The following DPP10 variants were observed in gnomAD, a reference collection of about 807,000 sequenced individuals.
DPP10 encodes the protein inactive dipeptidyl peptidase 10.
In DPP10, 33 loss-of-function variants were observed where a neutral mutation model predicts 120.9. That is an observed-to-expected ratio of 0.27 (90% confidence interval 0.21 to 0.37). DPP10 has a LOEUF of 0.37. Among genes scored for constraint, DPP10 ranks in the 10% least tolerant of loss-of-function variants. The pLI, the probability that DPP10 is intolerant of heterozygous loss-of-function variation, is 1.00. For missense variants in DPP10, 816 were observed against 942.8 expected, an observed-to-expected ratio of 0.87 and a Z score of 1.76; for synonymous variants, 337 against 326.1, an observed-to-expected ratio of 1.03 and a Z score of -0.36.
At chr2:115,402,747 A>G (rs578007021) in intron 3 of DPP10, among the ~76,000 whole-genome samples, 1 of 150,668 alleles carries the variant, frequency 6.6e-6, no homozygotes, top group East Asian at 1.9e-4. Flanking sequence ...TTCTCAAACC[A>G]TTCAAAAAAA....
intron 5 of DPP10, among the ~76,000 whole-genome samples, chr2:115,594,323 A>C (rs538430575): frequency 1.2e-4 from 19 of 152,208 alleles, no homozygotes; most frequent in Non-Finnish European, 2.4e-4. Flanking sequence ...AATTCTGGAG[A>C]AATCAGACAG....
rs114402105 is a variant in DPP10 at position 114,523,636 on chromosome 2, G to A, written c.60+80798G>A. The stretch of plus-strand genomic sequence containing the variant: ...TAGAGGGAAAAGGAAGTGGGGAAAA[G>A]CCTAGACTTTTTTTAAGGAGAGGAA... On this transcript the variant is annotated intron_variant, in intron 1 of 25. Coordinates refer to ENST00000410059, the MANE Select transcript of DPP10 (RefSeq NM_020868.6). Among the ~76,000 whole-genome samples the A allele has an allele frequency of 9.3e-3, 1,422 of 152,328 alleles. 23 individuals carry two copies. Among genetic ancestry groups the A allele is most frequent in the African/African-American group, 0.032 (1,350 of 41,572 alleles).
chr2:114,549,532 A>G (rs947100760), intron 1 of DPP10, among the ~76,000 whole-genome samples: 11 of 151,856 alleles, frequency 7.2e-5, no homozygotes, highest in Non-Finnish European at 1.5e-4. Flanking sequence ...ATAGTGGTGC[A>G]CACCTGTAGT....
In DPP10 at chr2:114,521,804, G is replaced by GTTT. The variant is rs758908081; in HGVS notation, c.60+78985_60+78987dup. Among the ~76,000 whole-genome samples the GTTT allele has an allele frequency of 1.1e-3, 120 of 112,730 alleles. 1 individual carries two copies. Among genetic ancestry groups the GTTT allele is most frequent in the East Asian group, 1.6e-3 (6 of 3,702 alleles). The allele number at this position is 112,730 out of a possible 152,430, so 74.0% of individuals were successfully genotyped here. On this transcript the variant is annotated intron_variant, in intron 1 of 25. Transcript: ENST00000410059. ...ATAATTATAGATACTATTATCCAAG[G>GTTT]TTTTTTTTTTTTTTTTTTTTTGAGA... is the stretch of plus-strand genomic sequence containing the variant.
intron 3 of DPP10, among the ~76,000 whole-genome samples, chr2:115,423,769 T>G (rs188691300): frequency 1.8e-4 from 27 of 152,288 alleles, no homozygotes; most frequent in South Asian, 2.1e-4. Context: ...AACACAGTAT[T>G]TGAAAGCTAC....
rs186856660 is a variant in DPP10, at chr2:114,620,477, A to C, written c.60+177639A>C. ...TAATGGACTGACATTATGATGGTTT[A>C]ATTGAGGTTAAACAGTGAAGTCTTA... On this transcript the variant is annotated intron_variant, in intron 1 of 25. Coordinates refer to ENST00000410059, the MANE Select transcript of DPP10 (RefSeq NM_020868.6). Among the ~76,000 whole-genome samples, 3 of 152,172 alleles carry C rather than the reference A, an allele frequency of 2.0e-5. No individual in the cohort carries two copies. In the East Asian group the frequency reaches 5.8e-4, roughly 29 times the overall value.
chr2:114,566,650 G>A (rs949678810), intron 1 of DPP10, among the ~76,000 whole-genome samples: 9 of 152,154 alleles, frequency 5.9e-5, no homozygotes, highest in African/African-American at 2.2e-4. Flanking sequence ...CTATTTCCGT[G>A]TACCAGGTAG....
chr2:115,402,872 T>A (rs2068188685), intron 3 of DPP10, among the ~76,000 whole-genome samples: 1 of 135,776 alleles, frequency 7.4e-6, no homozygotes, highest in East Asian at 2.0e-4. Context: ...TATATATATA[T>A]ATATGTGTGT....
intron 1 of DPP10, among the ~76,000 whole-genome samples, chr2:115,045,143 A>G (rs1704965276): frequency 6.6e-6 from 1 of 152,176 alleles, no homozygotes; most frequent in Non-Finnish European, 1.5e-5. Flanking sequence ...GAGCAATGGG[A>G]TTGCTGGATT....
chr2:114,783,825 C>T lies in DPP10; in HGVS notation c.60+340987C>T, dbSNP rs561421517. On this transcript the variant is annotated intron_variant, in intron 1 of 25. Coordinates refer to ENST00000410059, the MANE Select transcript of DPP10 (RefSeq NM_020868.6). ...CTCCAGTCTGGGTGACAGAATAAGACGCTCTCTCTCTCTCCTCCCTCCCCC... is the reference window on the plus strand; with the variant it reads ...CTCCAGTCTGGGTGACAGAATAAGATGCTCTCTCTCTCTCCTCCCTCCCCC... 8.6e-5 allele frequency among the ~76,000 whole-genome samples: 13 copies of T among 151,974 alleles called. 1 individual carries two copies. The highest frequency in any genetic ancestry group is 5.8e-4 in the East Asian group (3 of 5,144).
chr2:114,937,975 A>G (rs1403645640), intron 1 of DPP10, among the ~76,000 whole-genome samples: 1 of 152,192 alleles, frequency 6.6e-6, no homozygotes, highest in Non-Finnish European at 1.5e-5. Context: ...GAGAACCTTA[A>G]ATTAAAAGAA....
At chr2:115,287,230 G>T (rs1559367940) in intron 1 of DPP10, among the ~76,000 whole-genome samples, 1 of 152,066 alleles carries the variant, frequency 6.6e-6, no homozygotes, top group Non-Finnish European at 1.5e-5. Flanking sequence ...CAAGTGAAAA[G>T]TAATAGTCGA....
intron 13 of DPP10, among the ~76,000 whole-genome samples, chr2:115,774,424 C>T (rs950737527): frequency 2.0e-5 from 3 of 152,124 alleles, no homozygotes; most frequent in Middle Eastern, 6.8e-3. Flanking sequence ...CTGTCCTTGG[C>T]TCATTCAAAG....
intron 10 of DPP10, among the ~76,000 whole-genome samples, chr2:115,749,643 G>A (rs2149733345): frequency 6.6e-6 from 1 of 152,256 alleles, no homozygotes; most frequent in Middle Eastern, 3.4e-3. Context: ...CTTCTGACAA[G>A]TAATGCATAG....
At chr2:115,087,450 G>A (rs1275864362) in intron 1 of DPP10, among the ~76,000 whole-genome samples, 1 of 151,934 alleles carries the variant, frequency 6.6e-6, no homozygotes, top group African/African-American at 2.4e-5. Flanking sequence ...CAGATTGCTG[G>A]CCCCACCTTT....
intron 1 of DPP10, among the ~76,000 whole-genome samples, chr2:114,607,916 C>T (rs760659673): frequency 2.2e-4 from 33 of 152,286 alleles, no homozygotes; most frequent in Non-Finnish European, 2.6e-4. Flanking sequence ...GAATCTTGTC[C>T]ATCCAGTGCA....
intron 1 of DPP10, among the ~76,000 whole-genome samples, chr2:114,469,420 A>T (rs1679711996): frequency 6.6e-6 from 1 of 152,132 alleles, no homozygotes; most frequent in Non-Finnish European, 1.5e-5. Flanking sequence ...TGAAAGACAG[A>T]AGTTTTTAAA....
At chr2:115,744,614 C>T (rs1002913465) in intron 9 of DPP10, among the ~76,000 whole-genome samples, 13 of 150,280 alleles carry the variant, frequency 8.7e-5, no homozygotes, top group African/African-American at 2.9e-4. Context: ...TTCCTGACTT[C>T]TTTCTTTGGC....
chr2:115,316,531 G>T (rs1323786229), intron 2 of DPP10, among the ~76,000 whole-genome samples: 2 of 152,140 alleles, frequency 1.3e-5, no homozygotes, highest in African/African-American at 4.8e-5. Flanking sequence ...AAGGGAGGCA[G>T]TGACAGAAGT....
Sources: gnomAD v4.1 joint callset for allele counts (sites outside exome capture counted in the v4.1 genomes callset) on GRCh38, gnomAD v4.1.1 for gene constraint, MANE v1.5 for transcripts, NCBI Gene and HGNC (gene_info 2026-07-23, HGNC 2026-07-21) for gene names.